SH3BP4: variants seen among roughly 807,000 people sequenced by gnomAD.
SH3BP4 encodes SH3 domain binding protein 4, also known as SH3 domain-binding protein 4.
SH3BP4 carries 33 observed loss-of-function variants against 65.5 expected under a neutral mutation model. The ratio of observed to expected loss-of-function variants is 0.50; its 90% CI spans 0.38 to 0.67. SH3BP4 has a LOEUF of 0.67. Among genes scored for constraint, SH3BP4 ranks in the 30% least tolerant of loss-of-function variants. The pLI is 0.00. For missense variants in SH3BP4, 1,134 were observed against 1,261.4 expected, an observed-to-expected ratio of 0.90 and a Z score of 1.53; for synonymous variants, 552 against 545.5, an observed-to-expected ratio of 1.01 and a Z score of -0.17.
intron 2 of SH3BP4, among the ~76,000 whole-genome samples, chr2:235,020,148 G>A (rs896327903): frequency 6.6e-6 from 1 of 152,148 alleles, no homozygotes; most frequent in African/African-American, 2.4e-5. Context: ...GTAGGAATGG[G>A]TGTCTTTAAA....
intron 4 of SH3BP4, 34 bp downstream of exon 4, chr2:235,043,281 G>T: frequency 1.3e-6 from 2 of 1,508,584 alleles, no homozygotes; most frequent in Non-Finnish European, 1.8e-6. Context: ...GCGTTCAGGG[G>T]TGCTGCTCAG....
At position 234,952,399 on chromosome 2, in the gene SH3BP4, C is replaced by T. The variant is rs1446108694; in HGVS notation, c.-207+229C>T. ...CGCTCCCCCGGGCGCTCGGGTCTCC[C>T]TGGTGCTGGTGGGCAGGGACCCGGC... On this transcript the variant is annotated intron_variant, in intron 1 of 5. Coordinates refer to ENST00000392011, the MANE Select transcript of SH3BP4 (RefSeq NM_014521.3). This position sits in a 1 kb window ranked among gnomAD's most constrained non-coding sequence, Gnocchi z 6.5. 1.3e-5 allele frequency among the ~76,000 whole-genome samples: 2 copies of T among 151,198 alleles called. No individual in the cohort carries two copies. Among genetic ancestry groups the T allele is most frequent in the East Asian group, 2.0e-4 (1 of 5,106 alleles).
intron 1 of SH3BP4, among the ~76,000 whole-genome samples, chr2:234,982,905 G>A (rs748047129): frequency 1.3e-5 from 2 of 152,144 alleles, no homozygotes; most frequent in African/African-American, 2.4e-5. Flanking sequence ...CTCTTGAGCC[G>A]GGGATAATAC....
intron 1 of SH3BP4, among the ~76,000 whole-genome samples, chr2:234,992,753 T>TGC (rs1693789347): frequency 7.6e-6 from 1 of 131,452 alleles, no homozygotes; most frequent in Admixed American, 7.4e-5. Context: ...ATTCCTGCCA[T>TGC]GTGGCTCTGG....
Position 234,952,782 on chromosome 2 carries a change from G to T in SH3BP4, c.-207+612G>T, listed in dbSNP as rs1215155161. The T allele has an allele frequency of 6.6e-6, 1 of 152,228 alleles. No homozygotes were observed. Among genetic ancestry groups the T allele is most frequent in the East Asian group, 1.9e-4 (1 of 5,178 alleles). The allele number at this position is 152,228 out of a possible 1,614,324, so 9.4% of individuals were successfully genotyped here. On this transcript the variant is annotated intron_variant, in intron 1 of 5. Transcript: ENST00000392011. The surrounding 1 kb of genome is among the most constrained non-coding windows in gnomAD (Gnocchi z 6.5). The stretch of plus-strand genomic sequence containing the variant: ...TTGGCGATCGGGTGACCGAGCAGCC[G>T]CGAGGTGACAGCGCCGGCGGCCCGC...
intron 2 of SH3BP4, among the ~76,000 whole-genome samples, chr2:235,008,834 T>G (rs1487162225): frequency 6.6e-6 from 1 of 152,230 alleles, no homozygotes; most frequent in Admixed American, 6.5e-5. Flanking sequence ...TCACACACTT[T>G]GCTCATTTAT....
chr2:235,007,327 C>T (rs1415966750), intron 2 of SH3BP4, among the ~76,000 whole-genome samples: 2 of 152,146 alleles, frequency 1.3e-5, no homozygotes, highest in Non-Finnish European at 2.9e-5. Context: ...GCCTGAAAAG[C>T]CCCAGATACT....
Position 234,997,111 on chromosome 2 carries a change from G to T in SH3BP4, c.-133+1735G>T, listed in dbSNP as rs1034390378. ...ACCCAGACTTGCCCTGGATACAGCG[G>T]GCAGAGCGTTGCATGTGCCTCTGGG... On this transcript the variant is annotated intron_variant, in intron 2 of 5. Transcript: ENST00000392011. This position sits in a 1 kb window ranked among gnomAD's most constrained non-coding sequence, Gnocchi z 4.2. 6.6e-6 allele frequency among the ~76,000 whole-genome samples: 1 copy of T among 152,256 alleles called. No homozygotes were observed. Among genetic ancestry groups the T allele is most frequent in the Non-Finnish European group, 1.5e-5 (1 of 68,046 alleles).
In SH3BP4 at chr2:234,967,545, C is replaced by T. The variant is rs1692872453; in HGVS notation, c.-207+15375C>T. On this transcript the variant is annotated intron_variant, in intron 1 of 5. Coordinates refer to ENST00000392011, the MANE Select transcript of SH3BP4 (RefSeq NM_014521.3). The surrounding 1 kb of genome is among the most constrained non-coding windows in gnomAD (Gnocchi z 4.6). ...CGACCTTCCAGCCCTGCAGCTTCTGCAGCAGCCTTGCACTTCCCTAAGTGG... is the reference window on the plus strand; with the variant it reads ...CGACCTTCCAGCCCTGCAGCTTCTGTAGCAGCCTTGCACTTCCCTAAGTGG... Among the ~76,000 whole-genome samples the T allele has an allele frequency of 6.6e-6, 1 of 152,190 alleles. No homozygotes were observed.
intron 2 of SH3BP4, among the ~76,000 whole-genome samples, chr2:235,008,799 A>T (rs1694382624): frequency 6.6e-6 from 1 of 152,180 alleles, no homozygotes; most frequent in African/African-American, 2.4e-5. Context: ...CTTGTAGCAG[A>T]GGCCCTACTG....
chr2:235,050,787 A>G (rs557534406), intron 4 of SH3BP4, among the ~76,000 whole-genome samples: 1 of 152,230 alleles, frequency 6.6e-6, no homozygotes, highest in East Asian at 1.9e-4. Flanking sequence ...CGACCCTGCT[A>G]TCGGCACAAA....
rs1487861829 is a variant in SH3BP4 at position 234,952,426 on chromosome 2, C to T, written c.-207+256C>T. 6.6e-6 allele frequency among the ~76,000 whole-genome samples: 1 copy of T among 151,026 alleles called. No homozygotes were observed. Among genetic ancestry groups the T allele is most frequent in the Admixed American group, 6.6e-5 (1 of 15,184 alleles). On this transcript the variant is annotated intron_variant, in intron 1 of 5. Coordinates refer to ENST00000392011, the MANE Select transcript of SH3BP4 (RefSeq NM_014521.3). The surrounding 1 kb of genome is among the most constrained non-coding windows in gnomAD (Gnocchi z 6.5). ...GGTGCTGGTGGGCAGGGACCCGGCC[C>T]GGGGTTCCGGGCGCCGAGCCGCAGC... is the stretch of plus-strand genomic sequence containing the variant.
In SH3BP4 at chr2:234,977,966, T is replaced by C. The variant is rs949179605; in HGVS notation, c.-206-17337T>C. ...GTTTCTATTTTATTTTATTTTTTAC[T>C]TTTTTTGAGACAGAGTTTGGCTCTT... is the stretch of plus-strand genomic sequence containing the variant. On this transcript the variant is annotated intron_variant, in intron 1 of 5. Transcript: ENST00000392011. The surrounding 1 kb of genome is among the most constrained non-coding windows in gnomAD (Gnocchi z 5.1). Among the ~76,000 whole-genome samples, 1 of 151,982 alleles carries C rather than the reference T, an allele frequency of 6.6e-6. No homozygotes were observed. The highest frequency in any genetic ancestry group is 2.4e-5 in the African/African-American group (1 of 41,276).
chr2:235,050,256 C>T (rs1696005966), intron 4 of SH3BP4, among the ~76,000 whole-genome samples: 1 of 152,154 alleles, frequency 6.6e-6, no homozygotes, highest in Non-Finnish European at 1.5e-5. Context: ...GCTGGGACTA[C>T]AGGTGCCCGC....
intron 1 of SH3BP4, among the ~76,000 whole-genome samples, chr2:234,993,339 C>T (rs1693811931): frequency 6.6e-6 from 1 of 152,194 alleles, no homozygotes; most frequent in Admixed American, 6.5e-5. Flanking sequence ...AGGCTGTTCC[C>T]ATCTGTCCTT....
intron 2 of SH3BP4, among the ~76,000 whole-genome samples, chr2:235,009,986 C>A (rs973001621): frequency 1.3e-5 from 2 of 152,116 alleles, no homozygotes; most frequent in African/African-American, 4.8e-5. Flanking sequence ...TGCTCAGTCA[C>A]CTCCTTCTGG....
intron 3 of SH3BP4, among the ~76,000 whole-genome samples, chr2:235,036,974 A>G (rs1478867669): frequency 1.3e-5 from 2 of 152,086 alleles, no homozygotes; most frequent in East Asian, 3.9e-4. Context: ...CATGTGACCC[A>G]GGCAGTTTGC....
intron 1 of SH3BP4, among the ~76,000 whole-genome samples, chr2:234,982,756 C>T (rs917420249): frequency 1.3e-5 from 2 of 152,014 alleles, no homozygotes; most frequent in Non-Finnish European, 2.9e-5. Context: ...AGGGTGGGGC[C>T]GCTGACCTGG....
At chr2:235,032,625 A>G (rs921160646) in intron 2 of SH3BP4, among the ~76,000 whole-genome samples, 2 of 151,472 alleles carry the variant, frequency 1.3e-5, no homozygotes, top group South Asian at 4.2e-4. Context: ...GTGGTCTCTC[A>G]CGTGGCGGCA....
Sources: allele counts gnomAD v4.1 joint callset (sites outside exome capture counted in the v4.1 genomes callset), GRCh38; gene constraint gnomAD v4.1.1; non-coding constraint Gnocchi (gnomAD v3.1); transcripts MANE v1.5; gene names NCBI Gene and HGNC (gene_info 2026-07-23, HGNC 2026-07-21).